CAST: variants seen among roughly 807,000 people sequenced by gnomAD.
The protein encoded by CAST is MIR583 host.
Under a neutral mutation model 119.6 loss-of-function variants are expected in CAST, and 76 were observed. The ratio of observed to expected loss-of-function variants is 0.64; its 90% CI spans 0.53 to 0.77. The LOEUF (loss-of-function observed/expected upper bound fraction) is 0.77. Ranked by LOEUF, CAST falls within the 30% of genes least tolerant of loss-of-function variation. The pLI, the probability that CAST is intolerant of heterozygous loss-of-function variation, is 0.00. For synonymous variants in CAST, 319 were observed against 331.6 expected, an observed-to-expected ratio of 0.96 and a Z score of 0.41; for missense variants, 953 against 946.5, an observed-to-expected ratio of 1.01 and a Z score of -0.09.
At chr5:96,224,012 G>A in the CAST span, among the ~76,000 whole-genome samples, 1 of 152,152 alleles carries the variant, frequency 6.6e-6, no homozygotes, top group African/African-American at 2.4e-5. Context: ...AGAATAGATT[G>A]TGATGGTTAT....
chr5:96,520,519 T>C (rs1745498222), upstream of CAST, among the ~76,000 whole-genome samples: 1 of 151,856 alleles, frequency 6.6e-6, no homozygotes. Context: ...GTGTGTGTGT[T>C]TGTGTCAGTG....
chr5:96,587,275 G>A (rs1019626399), intron 1 of CAST, among the ~76,000 whole-genome samples: 1 of 152,146 alleles, frequency 6.6e-6, no homozygotes, highest in Non-Finnish European at 1.5e-5. Context: ...TAGCTCAGAA[G>A]GTCTATAGCA....
At chr5:96,313,145 T>C in the CAST span, among the ~76,000 whole-genome samples, 1 of 152,162 alleles carries the variant, frequency 6.6e-6, no homozygotes, top group African/African-American at 2.4e-5. Context: ...AGATACTGCT[T>C]TCTTCAACTC....
At chr5:96,334,597 T>A in the CAST span, among the ~76,000 whole-genome samples, 1 of 152,180 alleles carries the variant, frequency 6.6e-6, no homozygotes, top group Non-Finnish European at 1.5e-5. Context: ...GTCCTGTCAC[T>A]CACTTCCTTC....
At chr5:96,384,696 G>C in the CAST span, among the ~76,000 whole-genome samples, 2 of 152,292 alleles carry the variant, frequency 1.3e-5, no homozygotes, top group African/African-American at 4.8e-5. Context: ...CCAGACTCAG[G>C]CTGGGAAATT....
the CAST span, among the ~76,000 whole-genome samples, chr5:96,380,180 A>T: frequency 2.0e-5 from 3 of 152,108 alleles, no homozygotes; most frequent in Non-Finnish European, 4.4e-5. Context: ...CACTTTGTTG[A>T]TATTTAGATT....
chr5:96,399,052 A>G, the CAST span: 9 of 1,586,524 alleles, frequency 5.7e-6, no homozygotes, highest in Non-Finnish European at 6.9e-6. Flanking sequence ...TACATTAAAG[A>G]ATCAGCATTG....
the CAST span, among the ~76,000 whole-genome samples, chr5:96,459,350 T>C: frequency 5.7e-4 from 87 of 152,150 alleles, no homozygotes; most frequent in Middle Eastern, 3.2e-3. Flanking sequence ...AATGTAGATC[T>C]CAAACTCAGG....
chr5:96,534,739 G>GAGAGAGAGAA (rs1745757908), intron 1 of CAST, among the ~76,000 whole-genome samples: 10 of 22,714 alleles, frequency 4.4e-4, no homozygotes, highest in African/African-American at 1.2e-3. Flanking sequence ...GAGAGAGAGA[G>GAGAGAGAGAA]AGAAAGAAAG....
chr5:96,557,209 GCA>G (rs1336384414), intron 1 of CAST, among the ~76,000 whole-genome samples: 1 of 152,012 alleles, frequency 6.6e-6, no homozygotes, highest in Non-Finnish European at 1.5e-5. Flanking sequence ...CCTGAAGGAA[GCA>G]CTAAACATGG....
intron 3 of CAST, among the ~76,000 whole-genome samples, chr5:96,710,195 A>G (rs1264562021): frequency 1.3e-5 from 2 of 152,226 alleles, no homozygotes; most frequent in Non-Finnish European, 2.9e-5. Flanking sequence ...GTAATTTTGA[A>G]GAGTCATTTT....
the CAST span, among the ~76,000 whole-genome samples, chr5:96,233,499 A>G: frequency 2.0e-5 from 3 of 152,156 alleles, no homozygotes. Flanking sequence ...GATTCACAGA[A>G]CAGAACATTC....
the CAST span, among the ~76,000 whole-genome samples, chr5:96,420,545 T>C: frequency 6.6e-6 from 1 of 152,224 alleles, no homozygotes; most frequent in Admixed American, 6.5e-5. Flanking sequence ...GTCATATCCC[T>C]GAACTATCCA....
At chr5:96,084,981 G>A in the CAST span, among the ~76,000 whole-genome samples, 5 of 152,306 alleles carry the variant, frequency 3.3e-5, no homozygotes, top group East Asian at 5.8e-4. Context: ...GGTATAAAGC[G>A]ATAGGAAGGC....
the CAST span, among the ~76,000 whole-genome samples, chr5:96,058,531 G>A: frequency 7.2e-6 from 1 of 138,154 alleles, no homozygotes; most frequent in Admixed American, 7.2e-5. Flanking sequence ...AAGAAATTTG[G>A]TACCAGAAGG....
chr5:96,292,348 T>A, the CAST span, among the ~76,000 whole-genome samples: 1 of 152,224 alleles, frequency 6.6e-6, no homozygotes, highest in Non-Finnish European at 1.5e-5. Context: ...AACGTAAATA[T>A]GTTTTAATGT....
At chr5:96,621,561 A>G (rs1747605303) in intron 1 of CAST, among the ~76,000 whole-genome samples, 1 of 152,188 alleles carries the variant, frequency 6.6e-6, no homozygotes, top group Non-Finnish European at 1.5e-5. Context: ...AGGCACTTAC[A>G]AAACCATCAG....
At chr5:96,421,777 T>G in the CAST span, 3 of 792,772 alleles carry the variant, frequency 3.8e-6, no homozygotes, top group African/African-American at 5.1e-5. Context: ...GCATTAACAT[T>G]TCCTGAGCAC....
chr5:96,432,311 G>C, the CAST span, among the ~76,000 whole-genome samples: 1 of 152,138 alleles, frequency 6.6e-6, no homozygotes, highest in African/African-American at 2.4e-5. Context: ...CCTCCTGGTC[G>C]CGAGTCCCAG....
Sources: gnomAD v4.1 joint callset for allele counts (sites outside exome capture counted in the v4.1 genomes callset) on GRCh38, gnomAD v4.1.1 for gene constraint, MANE v1.5 for transcripts, NCBI Gene and HGNC (gene_info 2026-07-23, HGNC 2026-07-21) for gene names.